GNG7: variants seen among roughly 807,000 people sequenced by gnomAD.
The protein encoded by GNG7 is G protein subunit gamma 7.
Under a neutral mutation model 4.0 loss-of-function variants are expected in GNG7, and 1 was observed. The ratio of observed to expected loss-of-function variants is 0.25; its 90% CI spans 0.09 to 1.18. The LOEUF is 1.18. Among genes scored for constraint, GNG7 ranks in the 50% most tolerant of loss-of-function variants. GNG7 has a pLI of 0.50. For missense variants in GNG7, 86 were observed against 91.9 expected (o/e 0.94, Z 0.26); for synonymous variants, 34 against 36.9 (o/e 0.92, Z 0.29).
intron 2 of GNG7, among the ~76,000 whole-genome samples, chr19:2,565,525 CA>C (rs1568245565): frequency 9.1e-5 from 7 of 77,174 alleles, no homozygotes; most frequent in African/African-American, 2.3e-4. Flanking sequence ...AAAAAAAAAA[CA>C]AAAACAAAAG....
Position 2,538,336 on chromosome 19 carries a change from G to A in GNG7, c.-38+16813C>T, listed in dbSNP as rs150018961. 1.1e-3 allele frequency: 495 copies of A among 453,194 alleles called. 2 individuals are homozygous for A. The highest frequency in any genetic ancestry group is 9.4e-3 in the African/African-American group (470 of 49,988). 28.1% of individuals were successfully genotyped at this position (453,194 alleles called of 1,614,324 possible). ...CGATGCTATCCAAAGCATGCGTCAG[G>A]CCATCAGCAGTGGTGGTGACTCATG... On this transcript the variant is annotated intron_variant, in intron 3 of 4. Coordinates refer to ENST00000382159, the MANE Select transcript of GNG7 (RefSeq NM_052847.3).
At position 2,512,916 on chromosome 19, in the gene GNG7, A is replaced by G; in HGVS notation, c.*2106T>C. On this transcript the variant is annotated 3_prime_UTR_variant, in exon 5 of 5. Transcript: ENST00000382159. The surrounding 1 kb of genome is among the most constrained non-coding windows in gnomAD (Gnocchi z 4.7). Reference sequence around the variant, plus strand: ...TGCGTGGTGGGGACGCCCACACCCCAAACCCTGCCGGCTCCCAGCCCAACC... The same window carrying G: ...TGCGTGGTGGGGACGCCCACACCCCGAACCCTGCCGGCTCCCAGCCCAACC... 1.0e-6 allele frequency: 1 copy of G among 985,426 alleles called. No homozygotes were observed. The highest frequency in any genetic ancestry group is 1.2e-6 in the Non-Finnish European group (1 of 829,952). The allele number at this position is 985,426 out of a possible 1,614,324, so 61.0% of individuals were successfully genotyped here. A position where few individuals can be genotyped will look rare whatever the true frequency, so the allele number is the denominator to read the frequency against.
intron 2 of GNG7, among the ~76,000 whole-genome samples, chr19:2,591,721 C>T (rs1980855685): frequency 6.6e-6 from 1 of 152,036 alleles, no homozygotes; most frequent in African/African-American, 2.4e-5. Flanking sequence ...GTGTTAGTGC[C>T]TGTCATATGT....
chr19:2,649,556 A>C (rs1982755680), intron 1 of GNG7, among the ~76,000 whole-genome samples: 1 of 151,638 alleles, frequency 6.6e-6, no homozygotes. Context: ...CCCCCGGCTA[A>C]TTTTTGTATT....
At chr19:2,571,691 G>A (rs2144781554) in intron 2 of GNG7, among the ~76,000 whole-genome samples, 1 of 148,804 alleles carries the variant, frequency 6.7e-6, no homozygotes, top group East Asian at 2.0e-4. Flanking sequence ...TGCCTCCCGG[G>A]GTTAAGTGAT....
At chr19:2,526,037 C>A (rs935572052) in intron 3 of GNG7, among the ~76,000 whole-genome samples, 12 of 140,496 alleles carry the variant, frequency 8.5e-5, no homozygotes, top group African/African-American at 2.9e-4. Context: ...GTGGCGCGAT[C>A]TTGGCTCACT....
Position 2,550,156 on chromosome 19 carries a change from G to A in GNG7, c.-38+4993C>T, listed in dbSNP as rs142473876. Among the ~76,000 whole-genome samples, 1,154 of 152,214 alleles carry A rather than the reference G, an allele frequency of 7.6e-3. 16 individuals are homozygous for A. The highest frequency in any genetic ancestry group is 0.026 in the African/African-American group (1,093 of 41,546). On this transcript the variant is annotated intron_variant, in intron 3 of 4. Transcript: ENST00000382159. Reference sequence around the variant, plus strand: ...GGTTGAGACTGGCTCACAGGAAGTGGGTAGAATGCAGCAGAAGGAGCGGCT... The same window carrying A: ...GGTTGAGACTGGCTCACAGGAAGTGAGTAGAATGCAGCAGAAGGAGCGGCT...
chr19:2,592,694 A>G (rs1980878904), intron 2 of GNG7, among the ~76,000 whole-genome samples: 2 of 133,904 alleles, frequency 1.5e-5, no homozygotes, highest in African/African-American at 2.8e-5. Flanking sequence ...CTATGATTGC[A>G]TCGTTTCACT....
chr19:2,569,968 T>C (rs1318471479), intron 2 of GNG7, among the ~76,000 whole-genome samples: 1 of 152,072 alleles, frequency 6.6e-6, no homozygotes, highest in Non-Finnish European at 1.5e-5. Context: ...ATGGGGCCAA[T>C]GTTTGTGCCT....
At chr19:2,520,966 C>A (rs1026271862) in intron 3 of GNG7, among the ~76,000 whole-genome samples, 1 of 151,992 alleles carries the variant, frequency 6.6e-6, no homozygotes, top group African/African-American at 2.4e-5. Flanking sequence ...AATGAAAGGG[C>A]GAAGGCAGGC....
chr19:2,680,923 C>T (rs1158025385), intron 1 of GNG7, among the ~76,000 whole-genome samples: 1 of 151,904 alleles, frequency 6.6e-6, no homozygotes, highest in African/African-American at 2.4e-5. Flanking sequence ...TCCCCATGTC[C>T]TACCTCCCCG....
At chr19:2,642,726 T>C (rs1982541492) in intron 2 of GNG7, 1 of 449,874 alleles carries the variant, frequency 2.2e-6, no homozygotes, top group African/African-American at 2.0e-5. Context: ...ACTCCTGGGC[T>C]CAAGCCATCC....
At chr19:2,590,371 G>T (rs923039012) in intron 2 of GNG7, among the ~76,000 whole-genome samples, 2 of 152,144 alleles carry the variant, frequency 1.3e-5, no homozygotes, top group Non-Finnish European at 2.9e-5. Flanking sequence ...CTTAGAAATG[G>T]TAGAATTGTG....
At chr19:2,683,393 G>A (rs1983791986) in intron 1 of GNG7, 1 of 152,062 alleles carries the variant, frequency 6.6e-6, no homozygotes, top group Non-Finnish European at 1.5e-5. Context: ...TCCCGGCCAA[G>A]ACCCGCATCT....
At chr19:2,533,927 C>A (rs558276218) in intron 3 of GNG7, among the ~76,000 whole-genome samples, 13 of 152,330 alleles carry the variant, frequency 8.5e-5, no homozygotes, top group Non-Finnish European at 1.6e-4. Flanking sequence ...TATCAGCCTT[C>A]AGCTCAGTCC....
intron 3 of GNG7, among the ~76,000 whole-genome samples, chr19:2,535,172 C>G (rs1978696535): frequency 6.6e-6 from 1 of 152,026 alleles, no homozygotes; most frequent in Non-Finnish European, 1.5e-5. Context: ...TGTATGCCTA[C>G]TGGACTGTCA....
At chr19:2,593,934 A>AAAC (rs1372756028) in intron 2 of GNG7, among the ~76,000 whole-genome samples, 4 of 151,676 alleles carry the variant, frequency 2.6e-5, no homozygotes, top group African/African-American at 7.3e-5. Context: ...ATGCCAAAAA[A>AAAC]AAAAAAAAAC....
intron 3 of GNG7, among the ~76,000 whole-genome samples, chr19:2,554,560 T>TATATATA (rs199822641): frequency 3.1e-5 from 2 of 63,944 alleles, no homozygotes; most frequent in African/African-American, 1.3e-4. Flanking sequence ...TATATATATA[T>TATATATA]TTTTTTTTTT....
rs1982877651 is a variant in GNG7, at chr19:2,653,264, G to T, written c.-134-6984C>A. ...TTTTATAGCCCAGTATCTCCAAGCA[G>T]CGCCCAAGGACACAAACAGCCAGAC... is the stretch of plus-strand genomic sequence containing the variant. On this transcript the variant is annotated intron_variant, in intron 1 of 4. Coordinates refer to ENST00000382159, the MANE Select transcript of GNG7 (RefSeq NM_052847.3). The surrounding 1 kb of genome is among the most constrained non-coding windows in gnomAD (Gnocchi z 4.8). Among the ~76,000 whole-genome samples the T allele has an allele frequency of 6.6e-6, 1 of 152,188 alleles. No individual in the cohort carries two copies. The highest frequency in any genetic ancestry group is 6.5e-5 in the Admixed American group (1 of 15,274).
Sources: allele counts gnomAD v4.1 joint callset (sites outside exome capture counted in the v4.1 genomes callset), GRCh38; gene constraint gnomAD v4.1.1; non-coding constraint Gnocchi (gnomAD v3.1); transcripts MANE v1.5; gene names NCBI Gene and HGNC (gene_info 2026-07-23, HGNC 2026-07-21).